The following CCDC125 variants were observed in gnomAD, a reference collection of about 807,000 sequenced individuals.
CCDC125 encodes the protein coiled-coil domain containing 125.
CCDC125 carries 43 observed loss-of-function variants against 57.4 expected under a neutral mutation model. The observed-to-expected ratio is 0.75, with a 90% CI of 0.59 to 0.97. CCDC125 has a LOEUF of 0.97. Ranked by LOEUF, CCDC125 falls within the 50% of genes least tolerant of loss-of-function variation. The pLI is 0.00. For missense variants in CCDC125, 563 were observed against 595.7 expected (o/e 0.95, Z 0.57); for synonymous variants, 187 against 195.2 (o/e 0.96, Z 0.35).
intron 2 of CCDC125, among the ~76,000 whole-genome samples, chr5:69,319,434 T>C (rs983728780): frequency 6.6e-6 from 1 of 151,846 alleles, no homozygotes; most frequent in Non-Finnish European, 1.5e-5. Flanking sequence ...ATATATTAGA[T>C]GCATAACTAC....
chr5:69,300,166 C>T, intron 7 of CCDC125, 39 bp from the exon 8 acceptor site: 1 of 1,409,220 alleles, frequency 7.1e-7, no homozygotes, highest in Non-Finnish European at 1.0e-6. Flanking sequence ...ATTATGAAGC[C>T]TAACTCCACC....
At chr5:69,312,124 A>G (rs1463205397) in intron 3 of CCDC125, among the ~76,000 whole-genome samples, 1 of 152,106 alleles carries the variant, frequency 6.6e-6, no homozygotes, top group Non-Finnish European at 1.5e-5. Context: ...CCCCAATCCA[A>G]TGACTAGTGT....
chr5:69,294,289 C>A, intron 9 of CCDC125: 1 of 218,178 alleles, frequency 4.6e-6, no homozygotes, highest in Non-Finnish European at 7.8e-6. Context: ...TAGGTAGCTT[C>A]AAATATCATG....
At chr5:69,305,472 C>T (rs756198001) in intron 6 of CCDC125, among the ~76,000 whole-genome samples, 19 of 152,128 alleles carry the variant, frequency 1.2e-4, no homozygotes, top group Non-Finnish European at 2.8e-4. Context: ...CTCAGCCTCC[C>T]AAAATGCTGG....
chr5:69,328,132 G>T (rs533595838), intron 1 of CCDC125, among the ~76,000 whole-genome samples: 33 of 152,190 alleles, frequency 2.2e-4, no homozygotes, highest in Admixed American at 9.2e-4. Flanking sequence ...CTGACCTCAG[G>T]CCATCCGCTC....
At chr5:69,287,319 A>G (rs1350990337) in intron 10 of CCDC125, among the ~76,000 whole-genome samples, 2 of 148,880 alleles carry the variant, frequency 1.3e-5, no homozygotes, top group African/African-American at 5.0e-5. Flanking sequence ...GCTGGAGTGC[A>G]ACAGCGCAAT....
chr5:69,307,794 T>C, intron 5 of CCDC125, 157 bp downstream of exon 5: 1 of 620,290 alleles, frequency 1.6e-6, no homozygotes, highest in Non-Finnish European at 2.9e-6. Context: ...GACAATCTGT[T>C]TTAGATTGTA....
At chr5:69,303,963 T>G (rs1198748196) in intron 6 of CCDC125, 34 bp from the exon 7 acceptor site, 1 of 1,184,864 alleles carries the variant, frequency 8.4e-7, no homozygotes, top group Non-Finnish European at 1.2e-6. Context: ...AACTAAAACA[T>G]TAATATTTCC....
intron 6 of CCDC125, among the ~76,000 whole-genome samples, chr5:69,306,094 CTT>C (rs755336300): frequency 6.9e-6 from 1 of 144,904 alleles, no homozygotes; most frequent in Non-Finnish European, 1.5e-5. Context: ...TATTTTTCAT[CTT>C]TTTTTTTTTT....
chr5:69,277,343 G>T, downstream of CCDC125: 1 of 420,302 alleles, frequency 2.4e-6, no homozygotes. Context: ...GCAAAAGTGA[G>T]AAAAGTTCAA....
chr5:69,331,685 C>T (rs770397075), intron 1 of CCDC125, among the ~76,000 whole-genome samples: 1 of 152,152 alleles, frequency 6.6e-6, no homozygotes, highest in Non-Finnish European at 1.5e-5. Flanking sequence ...ACTGCACTTG[C>T]TCCCAGGGCT....
chr5:69,312,089 C>T (rs1238359557), intron 3 of CCDC125, among the ~76,000 whole-genome samples: 1 of 152,108 alleles, frequency 6.6e-6, no homozygotes, highest in Admixed American at 6.6e-5. Context: ...TATGTAGGGA[C>T]TCAAGGTGAG....
At chr5:69,317,291 G>A (rs1344423307) in intron 2 of CCDC125, among the ~76,000 whole-genome samples, 2 of 152,186 alleles carry the variant, frequency 1.3e-5, no homozygotes, top group African/African-American at 4.8e-5. Flanking sequence ...TTACAGGCAT[G>A]AGCCACCGCA....
rs775775787 is a variant in CCDC125, at chr5:69,282,945, G to A, written c.1320C>T (p.Asn440=). ...TTATAGGATTTTTTTCTTTATTCTC[G>A]TTTGAAGCAGTGTCTTTGTCTTCCA... ...RALEDKDTAS[N]ENKEKNPIKE... is the part of the protein sequence containing the mutation. The change falls in exon 12 of 12, where the codon AAC becomes AAT. Residue 440 remains asparagine (N), a synonymous_variant. Coordinates refer to ENST00000396496, the MANE Select transcript of CCDC125 (RefSeq NM_176816.5). 5 of 1,613,836 alleles carry A rather than the reference G, an allele frequency of 3.1e-6. No individual in the cohort carries two copies. The highest frequency in any genetic ancestry group is 1.7e-4 in the Middle Eastern group (1 of 6,060).
intron 1 of CCDC125, among the ~76,000 whole-genome samples, chr5:69,321,545 G>A (rs912403019): frequency 6.6e-6 from 1 of 152,160 alleles, no homozygotes; most frequent in African/African-American, 2.4e-5. Context: ...GTACAACATG[G>A]TATAGCACTG....
intron 1 of CCDC125, among the ~76,000 whole-genome samples, chr5:69,329,938 T>C (rs2150692039): frequency 6.6e-6 from 1 of 152,338 alleles, no homozygotes; most frequent in South Asian, 2.1e-4. Context: ...GGAAAGGCTG[T>C]AGGATGAATA....
intron 3 of CCDC125, 58 bp downstream of exon 3, chr5:69,313,927 G>A: frequency 8.0e-7 from 1 of 1,249,248 alleles, no homozygotes; most frequent in Non-Finnish European, 1.2e-6. Context: ...CGAGAGCACT[G>A]CAGCCGCTGC....
At chr5:69,300,960 T>C (rs1482201838) in intron 7 of CCDC125, among the ~76,000 whole-genome samples, 1 of 144,246 alleles carries the variant, frequency 6.9e-6, no homozygotes, top group Non-Finnish European at 1.5e-5. Context: ...GGTCCAATCA[T>C]AGCTCACTGC....
intron 7 of CCDC125, 114 bp from the exon 8 acceptor site, chr5:69,300,241 C>G (rs28704183): frequency 0.99 from 739,848 of 748,226 alleles, 365,808 homozygotes; most frequent in East Asian, 1. Context: ...CTACCCACAA[C>G]ATCGGGCTCC....
Sources: allele counts gnomAD v4.1 joint callset (sites outside exome capture counted in the v4.1 genomes callset), GRCh38; gene constraint gnomAD v4.1.1; transcripts MANE v1.5; gene names NCBI Gene and HGNC (gene_info 2026-07-23, HGNC 2026-07-21).